Variants in NPAS3 observed in about 807,000 individuals in gnomAD.
NPAS3 encodes neuronal PAS domain protein 3, also known as neuronal PAS domain-containing protein 3.
In NPAS3, 14 loss-of-function variants were observed where a neutral mutation model predicts 73.1. That is an observed-to-expected ratio of 0.19 (90% CI 0.13 to 0.30). NPAS3 has a LOEUF of 0.30. NPAS3 is among the 10% of genes least tolerant of loss of function. NPAS3 has a pLI of 1.00. For missense variants in NPAS3, 1,096 were observed against 1,250.0 expected (o/e 0.88, Z 1.86); for synonymous variants, 620 against 541.5 (o/e 1.14, Z -2.01).
chr14:33,154,168 G>T (rs2044563576), intron 2 of NPAS3, among the ~76,000 whole-genome samples: 1 of 152,144 alleles, frequency 6.6e-6, no homozygotes, highest in Non-Finnish European at 1.5e-5. Context: ...CCTGGAGCCT[G>T]GGCAGTTAGC....
intron 4 of NPAS3, among the ~76,000 whole-genome samples, chr14:33,436,605 T>C (rs1288000665): frequency 6.6e-6 from 1 of 152,230 alleles, no homozygotes; most frequent in Non-Finnish European, 1.5e-5. Context: ...TTTCAAATAT[T>C]GTCTACCATT....
At chr14:33,026,899 CCT>C (rs2039823851) in intron 1 of NPAS3, among the ~76,000 whole-genome samples, 1 of 152,100 alleles carries the variant, frequency 6.6e-6, no homozygotes, top group Non-Finnish European at 1.5e-5. Flanking sequence ...CTTTTTTCCC[CCT>C]GTTACATTGA....
chr14:33,670,173 GATAAA>G (rs1347322846), intron 5 of NPAS3, among the ~76,000 whole-genome samples: 18 of 152,116 alleles, frequency 1.2e-4, no homozygotes, highest in African/African-American at 1.9e-4. Context: ...TATTTTTGAA[GATAAA>G]ATAAACACAT....
intron 3 of NPAS3, among the ~76,000 whole-genome samples, chr14:33,343,766 G>C (rs1270199299): frequency 6.6e-6 from 1 of 152,190 alleles, no homozygotes; most frequent in African/African-American, 2.4e-5. Context: ...AGTTGTATAA[G>C]CAATACCGTG....
At chr14:33,442,797 C>T (rs747077269) in intron 4 of NPAS3, among the ~76,000 whole-genome samples, 20 of 152,170 alleles carry the variant, frequency 1.3e-4, no homozygotes, top group East Asian at 1.9e-4. Context: ...TGAGAACAAA[C>T]GAATACACCA....
At chr14:33,468,742 T>A (rs2050646182) in intron 4 of NPAS3, among the ~76,000 whole-genome samples, 1 of 152,202 alleles carries the variant, frequency 6.6e-6, no homozygotes, top group Non-Finnish European at 1.5e-5. Context: ...CTCCCCATGA[T>A]ATTAAATCTG....
At chr14:33,067,029 G>A (rs899392390) in intron 2 of NPAS3, among the ~76,000 whole-genome samples, 2 of 152,292 alleles carry the variant, frequency 1.3e-5, no homozygotes, top group Middle Eastern at 3.4e-3. Context: ...GTTTGCACTC[G>A]AGACAGTGGA....
chr14:33,654,985 T>C lies in NPAS3; in HGVS notation c.559-21226T>C, dbSNP rs114993898. ...ACATATACCCTGCTGGACACTGCTA[T>C]AGGTGATTTACACACACGATCTCAT... On this transcript the variant is annotated intron_variant, in intron 5 of 11. Coordinates refer to ENST00000356141, the Ensembl canonical transcript of NPAS3. 4.4e-3 allele frequency among the ~76,000 whole-genome samples: 669 copies of C among 152,332 alleles called. 5 individuals are homozygous for C. Among genetic ancestry groups the C allele is most frequent in the African/African-American group, 0.015 (613 of 41,566 alleles).
chr14:33,424,571 A>T (rs1038648299), intron 4 of NPAS3, among the ~76,000 whole-genome samples: 1 of 152,012 alleles, frequency 6.6e-6, no homozygotes, highest in Non-Finnish European at 1.5e-5. Context: ...AGGAGAAGGA[A>T]TGAACTTAGG....
chr14:33,297,368 T>C (rs1389579845), intron 3 of NPAS3, among the ~76,000 whole-genome samples: 1 of 152,138 alleles, frequency 6.6e-6, no homozygotes, highest in East Asian at 1.9e-4. Flanking sequence ...ATAGTAATTA[T>C]CTGGAAACAT....
intron 2 of NPAS3, among the ~76,000 whole-genome samples, chr14:33,177,071 T>TTTATTATTATTATTATTATTA (rs58286290): frequency 3.6e-5 from 5 of 138,336 alleles, no homozygotes; most frequent in African/African-American, 5.4e-5. Context: ...TGTTTATCTT[T>TTTATTATTATTATTATTATTA]TTATTATTAT....
chr14:33,308,801 T>A (rs961578119), intron 3 of NPAS3, among the ~76,000 whole-genome samples: 2 of 151,976 alleles, frequency 1.3e-5, no homozygotes, highest in African/African-American at 4.8e-5. Context: ...AAAGCCTTTT[T>A]AAAAAAATTT....
intron 4 of NPAS3, among the ~76,000 whole-genome samples, chr14:33,439,485 T>G (rs1041073381): frequency 2.6e-5 from 4 of 152,334 alleles, no homozygotes; most frequent in Non-Finnish European, 4.4e-5. Flanking sequence ...TGACCTACGT[T>G]CCTCAGAGCC....
intron 2 of NPAS3, among the ~76,000 whole-genome samples, chr14:33,202,044 T>A (rs141154453): frequency 6.6e-6 from 1 of 152,332 alleles, no homozygotes; most frequent in Non-Finnish European, 1.5e-5. Context: ...TGCAATAAAT[T>A]TTTAAAATGT....
chr14:33,148,422 A>G (rs968323588), intron 2 of NPAS3, among the ~76,000 whole-genome samples: 1 of 152,132 alleles, frequency 6.6e-6, no homozygotes, highest in African/African-American at 2.4e-5. Flanking sequence ...CCATTATGGT[A>G]GGGCTTATTG....
At chr14:33,793,478 G>A (rs2063423346) in intron 9 of NPAS3, among the ~76,000 whole-genome samples, 1 of 152,096 alleles carries the variant, frequency 6.6e-6, no homozygotes, top group African/African-American at 2.4e-5. Flanking sequence ...AGCATCTTTG[G>A]AACCATTCAA....
intron 7 of NPAS3, among the ~76,000 whole-genome samples, chr14:33,765,185 ATTG>A (rs1410962635): frequency 6.6e-6 from 1 of 152,106 alleles, no homozygotes; most frequent in Non-Finnish European, 1.5e-5. Flanking sequence ...ATGGGAAATA[ATTG>A]TTGTTTGGAG....
chr14:33,042,588 T>G (rs2040381021), intron 1 of NPAS3, among the ~76,000 whole-genome samples: 1 of 152,196 alleles, frequency 6.6e-6, no homozygotes, highest in South Asian at 2.1e-4. Context: ...TTTAATTATG[T>G]CCATTATTGT....
chr14:33,198,231 T>A (rs1566666332), intron 2 of NPAS3, among the ~76,000 whole-genome samples: 2 of 152,166 alleles, frequency 1.3e-5, no homozygotes, highest in Non-Finnish European at 2.9e-5. Context: ...GAACAAAGCT[T>A]CCACAGCATG....
Sources: allele counts gnomAD v4.1 joint callset (sites outside exome capture counted in the v4.1 genomes callset), GRCh38; gene constraint gnomAD v4.1.1; transcripts MANE v1.5; gene names NCBI Gene and HGNC (gene_info 2026-07-23, HGNC 2026-07-21).